Variants in SLC9A7 observed in about 807,000 individuals in gnomAD.
SLC9A7 encodes sodium/hydrogen exchanger 7.
A neutral mutation model predicts 52.6 loss-of-function variants in SLC9A7; 19 were observed. The observed-to-expected ratio is 0.36, with a 90% CI of 0.25 to 0.53. The LOEUF is 0.53. SLC9A7 is among the 20% of genes least tolerant of loss of function. The probability of loss-of-function intolerance (pLI) is 0.91; values close to 1 mark genes in which losing one functional copy is unlikely to be tolerated. For synonymous variants in SLC9A7, 226 were observed against 252.1 expected (o/e 0.90, Z 0.98); for missense variants, 455 against 597.9 (o/e 0.76, Z 2.49).
At chrX:46,625,212 G>T (rs1466961653) in intron 14 of SLC9A7, among the ~76,000 whole-genome samples, 1 of 106,625 alleles carries the variant, frequency 9.4e-6, no homozygotes, top group Non-Finnish European at 1.9e-5. Flanking sequence ...GTTTTTAAAA[G>T]ATAAGGTCAT....
intron 2 of SLC9A7, among the ~76,000 whole-genome samples, chrX:46,681,135 C>T (rs941266715): frequency 8.9e-6 from 1 of 112,538 alleles, no homozygotes; most frequent in African/African-American, 3.2e-5. Flanking sequence ...TGTTCTCCCA[C>T]CTTTGCTTTG....
chrX:46,666,161 C>T (rs1344224324), intron 5 of SLC9A7, among the ~76,000 whole-genome samples: 1 of 111,879 alleles, frequency 8.9e-6, no homozygotes, highest in Non-Finnish European at 1.9e-5. Flanking sequence ...GGCTGGAGTG[C>T]AGTGGTGCTA....
intron 1 of SLC9A7, among the ~76,000 whole-genome samples, chrX:46,723,298 C>CAA (rs764219707): frequency 3.2e-4 from 6 of 18,690 alleles, no homozygotes; most frequent in Admixed American, 6.5e-4. Context: ...AAGATTTCTA[C>CAA]AAAAAAAAAA....
chrX:46,654,986 T>C (rs368848530), intron 7 of SLC9A7, among the ~76,000 whole-genome samples: 52 of 64,346 alleles, frequency 8.1e-4, no homozygotes, highest in Middle Eastern at 0.01. Context: ...TTCTTTCTTT[T>C]TTTTTTTTTT....
At chrX:46,699,569 G>A (rs1266066496) in intron 1 of SLC9A7, among the ~76,000 whole-genome samples, 1 of 111,158 alleles carries the variant, frequency 9.0e-6, no homozygotes, top group Non-Finnish European at 1.9e-5. Context: ...GGACCTGGAG[G>A]GATTATTGCT....
chrX:46,620,143 G>T (rs1430096205), intron 15 of SLC9A7, among the ~76,000 whole-genome samples: 1 of 111,577 alleles, frequency 9.0e-6, no homozygotes, highest in Admixed American at 9.5e-5. Context: ...ATGAGGGGTT[G>T]GGTGAAGTGG....
intron 1 of SLC9A7, among the ~76,000 whole-genome samples, chrX:46,705,778 G>A (rs1944595600): frequency 8.9e-6 from 1 of 111,963 alleles, no homozygotes; most frequent in Non-Finnish European, 1.9e-5. Context: ...TGAGGCTGCA[G>A]TGAATCATGA....
In SLC9A7 at chrX:46,603,275, A is replaced by T. The variant is rs1327668024; in HGVS notation, c.*3677T>A. ...CAATTCAGGGAAGAGGACAAGCCAT[A>T]ATTAGGATTTCCTCCCTGTTTCCCC... is the stretch of plus-strand genomic sequence containing the variant. On this transcript the variant is annotated 3_prime_UTR_variant, in exon 17 of 17. Transcript: ENST00000616978. The T allele has an allele frequency of 3.6e-5, 4 of 111,879 alleles. No homozygotes were observed. Among genetic ancestry groups the T allele is most frequent in the Admixed American group, 1.9e-4 (2 of 10,540 alleles). 9.2% of individuals were successfully genotyped at this position (111,879 alleles called of 1,213,427 possible).
At chrX:46,718,047 T>C (rs915184429) in intron 1 of SLC9A7, among the ~76,000 whole-genome samples, 2 of 111,732 alleles carry the variant, frequency 1.8e-5, no homozygotes, top group Admixed American at 1.9e-4. Context: ...CTTCAAACTA[T>C]ACTACAAAGC....
chrX:46,748,131 G>C (rs1287233238), intron 1 of SLC9A7, among the ~76,000 whole-genome samples: 1 of 110,935 alleles, frequency 9.0e-6, no homozygotes, highest in Non-Finnish European at 1.9e-5. Context: ...TGAATCACCT[G>C]AAGTCAGGAG....
chrX:46,655,991 A>T (rs1943677625), intron 7 of SLC9A7, among the ~76,000 whole-genome samples: 1 of 108,224 alleles, frequency 9.2e-6, no homozygotes, highest in Admixed American at 9.9e-5. Context: ...CTTTGAAGAG[A>T]GCAGTGGTTC....
At chrX:46,634,699 G>A (rs920841164) in intron 13 of SLC9A7, among the ~76,000 whole-genome samples, 1 of 112,008 alleles carries the variant, frequency 8.9e-6, no homozygotes, top group East Asian at 2.8e-4. Context: ...GTAGAAAAAA[G>A]TGTGATTTCA....
At chrX:46,690,702 T>C (rs1014478110) in intron 1 of SLC9A7, among the ~76,000 whole-genome samples, 5 of 112,154 alleles carry the variant, frequency 4.5e-5, no homozygotes, top group Non-Finnish European at 3.8e-5. Context: ...AAGTTATGAA[T>C]ATTTCTTATG....
intron 1 of SLC9A7, among the ~76,000 whole-genome samples, chrX:46,717,005 T>A (rs1944779263): frequency 1.8e-5 from 2 of 111,989 alleles, no homozygotes; most frequent in South Asian, 3.7e-4. Context: ...GCAACACGCA[T>A]CCACCAGAAT....
intron 5 of SLC9A7, among the ~76,000 whole-genome samples, chrX:46,663,131 T>G (rs1203265052): frequency 9.3e-6 from 1 of 107,602 alleles, no homozygotes; most frequent in Admixed American, 9.8e-5. Flanking sequence ...GTGAGGAGTT[T>G]GAGACCAGCC....
chrX:46,721,322 C>T (rs766542236), intron 1 of SLC9A7, among the ~76,000 whole-genome samples: 1 of 111,528 alleles, frequency 9.0e-6, no homozygotes, highest in East Asian at 2.8e-4. Flanking sequence ...AGAGAACACA[C>T]AAGATACATT....
rs10673648 is a variant in SLC9A7 at position 46,603,848 on chromosome X, C to CAA, written c.*3102_*3103dup. 0.33 allele frequency: 36,626 copies of CAA among 109,882 alleles called. 5,994 individuals carry two copies. Among genetic ancestry groups the CAA allele is most frequent in the African/African-American group, 0.62 (18,466 of 29,917 alleles). The allele number at this position is 109,882 out of a possible 1,213,427, so 9.1% of individuals were successfully genotyped here. On this transcript the variant is annotated 3_prime_UTR_variant, in exon 17 of 17. Coordinates refer to ENST00000616978, the MANE Select transcript of SLC9A7 (RefSeq NM_001257291.2). ...AGCGAGACTCCATCTAAAAACAAAA[C>CAA]AAAACAAAACAAAAAACAAACAACA...
chrX:46,676,463 G>C (rs1189358024), intron 3 of SLC9A7, among the ~76,000 whole-genome samples: 1 of 111,900 alleles, frequency 8.9e-6, no homozygotes, highest in East Asian at 2.8e-4. Flanking sequence ...AAAACAAATT[G>C]ATTGGGAACT....
intron 11 of SLC9A7, among the ~76,000 whole-genome samples, chrX:46,643,695 A>C (rs1379999163): frequency 8.9e-6 from 1 of 112,264 alleles, no homozygotes; most frequent in African/African-American, 3.2e-5. Context: ...TAAGTAAAAA[A>C]TAATATAAGC....
Sources: gnomAD v4.1 joint callset for allele counts (sites outside exome capture counted in the v4.1 genomes callset) on GRCh38, gnomAD v4.1.1 for gene constraint, MANE v1.5 for transcripts, NCBI Gene and HGNC (gene_info 2026-07-23, HGNC 2026-07-21) for gene names.